The following ANOS1 variants were observed in gnomAD, a reference collection of about 807,000 sequenced individuals.
The protein encoded by ANOS1 is anosmin-1.
Under a neutral mutation model 59.0 loss-of-function variants are expected in ANOS1, and 6 were observed. The observed-to-expected ratio is 0.10, with a 90% CI of 0.06 to 0.20. The LOEUF (loss-of-function observed/expected upper bound fraction) is 0.20. Among genes scored for constraint, ANOS1 ranks in the 10% least tolerant of loss-of-function variants. The probability of loss-of-function intolerance (pLI) is 1.00; values close to 1 mark genes in which losing one functional copy is unlikely to be tolerated. For synonymous variants in ANOS1, 217 were observed against 223.4 expected (o/e 0.97, Z 0.25); for missense variants, 433 against 542.3 (o/e 0.80, Z 2.00).
chrX:8,626,745 T>C (rs1042985733), intron 2 of ANOS1, among the ~76,000 whole-genome samples: 12 of 106,489 alleles, frequency 1.1e-4, no homozygotes, highest in Admixed American at 3.1e-4. Context: ...CCTGTAGTCC[T>C]AGCTTCTCGG....
chrX:8,647,698 C>T (rs2146861752), intron 2 of ANOS1, among the ~76,000 whole-genome samples: 1 of 111,789 alleles, frequency 8.9e-6, no homozygotes, highest in East Asian at 2.8e-4. Context: ...AGCTTAGAAA[C>T]TATTTTAGAG....
At chrX:8,726,269 CA>C (rs1397308975) in intron 1 of ANOS1, among the ~76,000 whole-genome samples, 1 of 111,270 alleles carries the variant, frequency 9.0e-6, no homozygotes, top group Non-Finnish European at 1.9e-5. Flanking sequence ...TCCTTTTTGC[CA>C]AAACAAACAG....
intron 9 of ANOS1, among the ~76,000 whole-genome samples, chrX:8,553,602 T>G (rs1929891957): frequency 9.0e-6 from 1 of 111,615 alleles, no homozygotes; most frequent in Non-Finnish European, 1.9e-5. Context: ...CCCCCCCTAC[T>G]TTCTAAATTA....
chrX:8,612,187 GA>G (rs1931070173), intron 3 of ANOS1, among the ~76,000 whole-genome samples: 1 of 111,729 alleles, frequency 9.0e-6, no homozygotes, highest in African/African-American at 3.2e-5. Context: ...GTCTTAACTA[GA>G]AATCAGTAGG....
chrX:8,540,694 T>C (rs113845062), intron 9 of ANOS1, among the ~76,000 whole-genome samples: 1 of 105,042 alleles, frequency 9.5e-6, no homozygotes, highest in Non-Finnish European at 2.0e-5. Flanking sequence ...AAGTGTTTGA[T>C]GGGAGTTTTC....
chrX:8,681,071 T>C (rs1932417551), intron 2 of ANOS1, among the ~76,000 whole-genome samples: 1 of 111,818 alleles, frequency 8.9e-6, no homozygotes, highest in Non-Finnish European at 1.9e-5. Context: ...CACAATTTAC[T>C]GCCCGGAGCC....
chrX:8,629,993 G>T (rs1931460854), intron 2 of ANOS1, among the ~76,000 whole-genome samples: 1 of 112,451 alleles, frequency 8.9e-6, no homozygotes, highest in African/African-American at 3.2e-5. Flanking sequence ...TATTTCTAAT[G>T]TGCAAAGTAC....
chrX:8,610,762 T>G (rs12833179), intron 3 of ANOS1, among the ~76,000 whole-genome samples: 41,919 of 109,849 alleles, frequency 0.38, 5,799 homozygotes, highest in South Asian at 0.43. Flanking sequence ...TTGGGCCTAG[T>G]CTAAAGGCTA....
intron 2 of ANOS1, among the ~76,000 whole-genome samples, chrX:8,699,034 C>T (rs914224241): frequency 2.5e-4 from 28 of 111,394 alleles, no homozygotes; most frequent in African/African-American, 9.1e-4. Context: ...ATGTTTTTAG[C>T]AAACTTTGTA....
chrX:8,619,602 CAAAAAAGAA>C (rs1257145801), intron 3 of ANOS1, among the ~76,000 whole-genome samples: 5 of 109,281 alleles, frequency 4.6e-5, no homozygotes, highest in Non-Finnish European at 9.5e-5. Context: ...GACTCCGTCT[CAAAAAAGAA>C]AAAAAAGAAA....
At chrX:8,537,812 A>T (rs1929622371) in intron 10 of ANOS1, among the ~76,000 whole-genome samples, 2 of 109,719 alleles carry the variant, frequency 1.8e-5, no homozygotes, top group Non-Finnish European at 3.8e-5. Context: ...AGAGGAAAAA[A>T]AGTACAGATG....
intron 1 of ANOS1, among the ~76,000 whole-genome samples, chrX:8,721,701 A>G (rs1262479713): frequency 8.9e-6 from 1 of 112,301 alleles, no homozygotes; most frequent in Non-Finnish European, 1.9e-5. Context: ...TTGAAATTCA[A>G]CCAGATTAGC....
At chrX:8,707,752 C>T (rs996507796) in intron 1 of ANOS1, among the ~76,000 whole-genome samples, 4 of 111,937 alleles carry the variant, frequency 3.6e-5, no homozygotes, top group African/African-American at 1.3e-4. Flanking sequence ...ACTTGAGCAT[C>T]TTCAGATGTA....
At chrX:8,574,715 C>T (rs1161608991) in intron 6 of ANOS1, among the ~76,000 whole-genome samples, 1 of 111,857 alleles carries the variant, frequency 8.9e-6, no homozygotes, top group African/African-American at 3.3e-5. Flanking sequence ...CTGTCGGCTT[C>T]CCTACTTTGG....
At chrX:8,565,210 G>C (rs757686642) in intron 8 of ANOS1, among the ~76,000 whole-genome samples, 1 of 112,030 alleles carries the variant, frequency 8.9e-6, no homozygotes, top group East Asian at 2.8e-4. Flanking sequence ...GTTTCTAATG[G>C]GGAAAGAATG....
At chrX:8,653,488 C>T (rs991637151) in intron 2 of ANOS1, among the ~76,000 whole-genome samples, 5 of 111,379 alleles carry the variant, frequency 4.5e-5, no homozygotes, top group Admixed American at 3.8e-4. Flanking sequence ...CTGGACCTCT[C>T]TCCTCCCAAT....
intron 2 of ANOS1, among the ~76,000 whole-genome samples, chrX:8,640,394 G>C (rs1931640645): frequency 9.0e-6 from 1 of 110,921 alleles, no homozygotes; most frequent in Non-Finnish European, 1.9e-5. Context: ...ATTCCCTTCA[G>C]CGGCTTGACA....
intron 1 of ANOS1, among the ~76,000 whole-genome samples, chrX:8,726,546 A>T (rs1331868333): frequency 8.9e-6 from 1 of 112,099 alleles, no homozygotes; most frequent in Non-Finnish European, 1.9e-5. Flanking sequence ...CCCACGGACT[A>T]CTACTTTTCC....
rs111650570 is a variant in ANOS1 at position 8,533,287 on chromosome X, C to T, written c.1985-234G>A. Among the ~76,000 whole-genome samples, 955 of 111,992 alleles carry T rather than the reference C, an allele frequency of 8.5e-3. 10 individuals carry two copies. Among genetic ancestry groups the T allele is most frequent in the African/African-American group, 0.029 (901 of 30,822 alleles). On this transcript the variant is annotated intron_variant, in intron 13 of 13. Coordinates refer to ENST00000262648, the MANE Select transcript of ANOS1 (RefSeq NM_000216.4). ...AAAATAACAAGAAAAAGAAGACAAG[C>T]TCCTTTCCTTAAGCTCACACTTATC...
Sources: gnomAD v4.1 joint callset for allele counts (sites outside exome capture counted in the v4.1 genomes callset) on GRCh38, gnomAD v4.1.1 for gene constraint, MANE v1.5 for transcripts, NCBI Gene and HGNC (gene_info 2026-07-23, HGNC 2026-07-21) for gene names.